TRUB2: variants seen among roughly 807,000 people sequenced by gnomAD.
TRUB2 encodes the protein pseudouridylate synthase TRUB2, mitochondrial.
Under a neutral mutation model 31.9 loss-of-function variants are expected in TRUB2, and 31 were observed. The ratio of observed to expected loss-of-function variants is 0.97; its 90% confidence interval spans 0.73 to 1.31. TRUB2 has a LOEUF of 1.31. Among genes scored for constraint, TRUB2 ranks in the 50% most tolerant of loss-of-function variants. The pLI is 0.00. For missense variants in TRUB2, 451 were observed against 439.6 expected (o/e 1.03, Z -0.23); for synonymous variants, 201 against 182.6 (o/e 1.10, Z -0.81).
intron 2 of TRUB2, among the ~76,000 whole-genome samples, chr9:128,319,229 G>A (rs757337331): frequency 2.0e-5 from 3 of 152,010 alleles, no homozygotes; most frequent in Non-Finnish European, 2.9e-5. Context: ...GGGAGGCTGA[G>A]GCAGGAGAAT....
At position 128,321,732 on chromosome 9, in the gene TRUB2, TG is replaced by T. The variant is rs1170972957; in HGVS notation, c.110-3del. On this transcript the variant is annotated splice_polypyrimidine_tract_variant and splice_region_variant and intron_variant, in intron 1 of 7. Coordinates refer to ENST00000372890, the MANE Select transcript of TRUB2 (RefSeq NM_015679.3). ...CGGGAGGCTTCCTGGCATTGAGACCTGAACACACAGAGATAATATATACACA... is the reference window on the plus strand; with the variant it reads ...CGGGAGGCTTCCTGGCATTGAGACCTAACACACAGAGATAATATATACACA... 1 of 1,612,980 alleles carries T rather than the reference TG, an allele frequency of 6.2e-7. No homozygotes were observed. The highest frequency in any genetic ancestry group is 8.5e-7 in the Non-Finnish European group (1 of 1,179,908).
intron 2 of TRUB2, among the ~76,000 whole-genome samples, chr9:128,319,887 G>C (rs1832132643): frequency 6.7e-6 from 1 of 148,796 alleles, no homozygotes; most frequent in Admixed American, 6.7e-5. Flanking sequence ...CCAAAGTGCA[G>C]CGATTACAGG....
chr9:128,322,066 TCAAA>T (rs1157677245), intron 1 of TRUB2, among the ~76,000 whole-genome samples: 1 of 152,182 alleles, frequency 6.6e-6, no homozygotes, highest in African/African-American at 2.4e-5. Flanking sequence ...ACAGGCGGAT[TCAAA>T]CAGACTCTAC....
At chr9:128,311,364 T>A in intron 6 of TRUB2, 165 bp downstream of exon 6, 1 of 754,620 alleles carries the variant, frequency 1.3e-6, no homozygotes. Flanking sequence ...ACCCAAGACC[T>A]GGCACACAGA....
At position 128,307,093 on chromosome 9, in the gene TRUB2, C is replaced by A. The variant is rs958551607; in HGVS notation, c.*2457G>T. The A allele has an allele frequency of 6.6e-6, 1 of 152,006 alleles. No homozygotes were observed. Among genetic ancestry groups the A allele is most frequent in the Admixed American group, 6.6e-5 (1 of 15,252 alleles). The allele number at this position is 152,006 out of a possible 1,614,324, so 9.4% of individuals were successfully genotyped here. On this transcript the variant is annotated 3_prime_UTR_variant, in exon 8 of 8. Transcript: ENST00000372890. ...CCAACATGGTGAAACCCCGTCTCTA[C>A]TAAAAATACAAAAGTTAGCTGGGCG...
intron 2 of TRUB2, among the ~76,000 whole-genome samples, chr9:128,318,588 A>C: frequency 6.6e-6 from 1 of 151,668 alleles, no homozygotes; most frequent in East Asian, 2.0e-4. Flanking sequence ...GCTGGAGTGC[A>C]GTGGCGCCAT....
chr9:128,321,641 G>A lies in TRUB2; in HGVS notation c.199C>T (p.Leu67Phe), dbSNP rs757338512. The stretch of plus-strand genomic sequence containing the variant: ...AAAGAGGGTACGCTGGTGGCTGTGA[G>A]GGTCAGCTCCTTCTCTTCGCTGCCT... The part of the protein sequence containing the change: ...MEGSEEKELT[L>F]TATSVPSFIN... Residue 67 changes from leucine to phenylalanine, a missense_variant, in exon 2 of 8, where the codon CTC (leucine) becomes TTC (phenylalanine). Physicochemically the swap from Leu to Phe is conservative, Grantham distance 22. Transcript: ENST00000372890. 6.2e-7 allele frequency: 1 copy of A among 1,614,086 alleles called. No individual in the cohort carries two copies. Among genetic ancestry groups the A allele is most frequent in the South Asian group, 1.1e-5 (1 of 91,068 alleles).
In TRUB2 at chr9:128,312,134, C is replaced by CT. The variant is rs61513949; in HGVS notation, c.461-534dup. 5.2e-3 allele frequency among the ~76,000 whole-genome samples: 566 copies of CT among 109,332 alleles called. 6 individuals are homozygous for CT. Among genetic ancestry groups the CT allele is most frequent in the South Asian group, 0.015 (51 of 3,368 alleles). 71.7% of individuals were successfully genotyped at this position (109,332 alleles called of 152,430 possible). A position where few individuals can be genotyped will look rare whatever the true frequency, so the allele number is the denominator to read the frequency against. Reference sequence around the variant, plus strand: ...ACAGGTGTGAGCCACTGCACCCAGACTTTTTTTTTTTTTTTTTTTTGAGAC... The same window carrying CT: ...ACAGGTGTGAGCCACTGCACCCAGACTTTTTTTTTTTTTTTTTTTTTGAGAC... On this transcript the variant is annotated intron_variant, in intron 5 of 7. Coordinates refer to ENST00000372890, the MANE Select transcript of TRUB2 (RefSeq NM_015679.3).
chr9:128,311,467 G>T, intron 6 of TRUB2, 62 bp downstream of exon 6: 1 of 1,533,510 alleles, frequency 6.5e-7, no homozygotes, highest in Non-Finnish European at 9.0e-7. Context: ...AGGTTTGGGG[G>T]AGCCTACGGG....
chr9:128,309,448 T>C lies in TRUB2; in HGVS notation c.*102A>G. On this transcript the variant is annotated 3_prime_UTR_variant, in exon 8 of 8. Coordinates refer to ENST00000372890, the MANE Select transcript of TRUB2 (RefSeq NM_015679.3). ...TACAGCTTGAGTTTTGTGTCTTACGTAGAAAAGGTGCCCCTGCTCTCACTT... is the reference window on the plus strand; with the variant it reads ...TACAGCTTGAGTTTTGTGTCTTACGCAGAAAAGGTGCCCCTGCTCTCACTT... 1.5e-6 allele frequency: 2 copies of C among 1,295,092 alleles called. No individual in the cohort carries two copies. 80.2% of individuals were successfully genotyped at this position (1,295,092 alleles called of 1,614,324 possible).
chr9:128,319,053 G>A (rs918273662), intron 2 of TRUB2, among the ~76,000 whole-genome samples: 4 of 151,972 alleles, frequency 2.6e-5, no homozygotes, highest in Admixed American at 6.6e-5. Context: ...ATGGCCGGGC[G>A]TGGTGGCTCA....
At chr9:128,312,646 C>T (rs1238361670) in intron 5 of TRUB2, among the ~76,000 whole-genome samples, 3 of 138,428 alleles carry the variant, frequency 2.2e-5, no homozygotes, top group Non-Finnish European at 4.6e-5. Context: ...GACGGAGTCT[C>T]GCTTTGTTGC....
intron 5 of TRUB2, among the ~76,000 whole-genome samples, chr9:128,312,155 GAGACGGA>G (rs1831982554): frequency 2.4e-5 from 1 of 41,632 alleles, no homozygotes; most frequent in Non-Finnish European, 4.7e-5. Context: ...TTTTTTTTTT[GAGACGGA>G]GTCTTGTTCT....
In TRUB2 at chr9:128,309,545, G is replaced by A. The variant is rs771617734; in HGVS notation, c.*5C>T. 50 of 1,600,686 alleles carry A rather than the reference G, an allele frequency of 3.1e-5. No homozygotes were observed. The Admixed American group carries it at 8.4e-4, about 27-fold the overall frequency. On this transcript the variant is annotated 3_prime_UTR_variant, in exon 8 of 8. Transcript: ENST00000372890. ...CATCCACTGCCCCAGGAGCTGCCTGGGCATTCACTGCCCCGCACCCCTCTC... is the reference window on the plus strand; with the variant it reads ...CATCCACTGCCCCAGGAGCTGCCTGAGCATTCACTGCCCCGCACCCCTCTC...
At position 128,309,302 on chromosome 9, in the gene TRUB2, C is replaced by A. The variant is rs1831920358; in HGVS notation, c.*248G>T. ...TCAGCCTTGGGAGTAGCTGGGATTA[C>A]AAGTGCCCGCCACCACGCCTGGTCT... is the stretch of plus-strand genomic sequence containing the variant. On this transcript the variant is annotated 3_prime_UTR_variant, in exon 8 of 8. Coordinates refer to ENST00000372890, the MANE Select transcript of TRUB2 (RefSeq NM_015679.3). 1 of 501,446 alleles carries A rather than the reference C, an allele frequency of 2.0e-6. No individual in the cohort carries two copies. Among genetic ancestry groups the A allele is most frequent in the Non-Finnish European group, 3.6e-6 (1 of 277,510 alleles). The allele number at this position is 501,446 out of a possible 1,614,324, so 31.1% of individuals were successfully genotyped here.
At chr9:128,312,240 C>A (rs945297386) in intron 5 of TRUB2, among the ~76,000 whole-genome samples, 2 of 149,532 alleles carry the variant, frequency 1.3e-5, no homozygotes, top group Non-Finnish European at 3.0e-5. Context: ...TGGAGTCAAG[C>A]AATTCTCCTG....
At chr9:128,315,860 T>C in intron 3 of TRUB2, 1 of 545,374 alleles carries the variant, frequency 1.8e-6, no homozygotes, top group South Asian at 2.0e-5. Flanking sequence ...GGAGGGGGCC[T>C]AGGATCCCTG....
chr9:128,318,947 C>T (rs1227878645), intron 2 of TRUB2, among the ~76,000 whole-genome samples: 1 of 151,832 alleles, frequency 6.6e-6, no homozygotes, highest in African/African-American at 2.4e-5. Context: ...TTTGAGACGC[C>T]GAGGCAGGCA....
chr9:128,318,026 T>C (rs567918148), intron 2 of TRUB2, among the ~76,000 whole-genome samples: 18 of 152,288 alleles, frequency 1.2e-4, no homozygotes, highest in Non-Finnish European at 2.1e-4. Context: ...AGTTCCATTG[T>C]TGGGCAACTT....
Sources: allele counts gnomAD v4.1 joint callset (sites outside exome capture counted in the v4.1 genomes callset), GRCh38; gene constraint gnomAD v4.1.1; transcripts MANE v1.5; gene names NCBI Gene and HGNC (gene_info 2026-07-23, HGNC 2026-07-21).